CHD7: variants seen among roughly 807,000 people sequenced by gnomAD.
The protein encoded by CHD7 is chromodomain helicase DNA binding protein 7.
A neutral mutation model predicts 307.3 loss-of-function variants in CHD7; 24 were observed. The observed-to-expected ratio is 0.08, with a 90% CI of 0.06 to 0.11. The LOEUF is 0.11. Ranked by LOEUF, CHD7 falls within the 10% of genes least tolerant of loss-of-function variation. The pLI, the probability that CHD7 is intolerant of heterozygous loss-of-function variation, is 1.00. For missense variants in CHD7, 3,106 were observed against 3,727.1 expected, an observed-to-expected ratio of 0.83 and a Z score of 4.34; for synonymous variants, 1,363 against 1,349.9, an observed-to-expected ratio of 1.01 and a Z score of -0.21.
At chr8:60,853,665 G>T (rs1454531125) in intron 31 of CHD7, among the ~76,000 whole-genome samples, 165 bp downstream of exon 31, 1 of 152,110 alleles carries the variant, frequency 6.6e-6, no homozygotes. Flanking sequence ...TTTTGCTCTC[G>T]CACCTTATAG....
At chr8:60,732,887 G>A (rs937943086) in intron 1 of CHD7, among the ~76,000 whole-genome samples, 1 of 151,984 alleles carries the variant, frequency 6.6e-6, no homozygotes, top group African/African-American at 2.4e-5. Flanking sequence ...TTCTAGACCT[G>A]TCTCTTCATT....
chr8:60,732,109 C>T (rs1808483509), intron 1 of CHD7, among the ~76,000 whole-genome samples: 1 of 152,108 alleles, frequency 6.6e-6, no homozygotes, highest in African/African-American at 2.4e-5. Context: ...GTTTTTTTCC[C>T]TTTAAGGAAA....
At position 60,856,179 on chromosome 8, in the gene CHD7, A is replaced by G. The variant is rs1348628395; in HGVS notation, c.7141A>G (p.Thr2381Ala). 2.5e-6 allele frequency: 4 copies of G among 1,596,824 alleles called. No homozygotes were observed. The East Asian group carries it at 6.8e-5, about 27-fold the overall frequency. ...QASISGSEDITTSPQLSKEDA... is the reference protein window; with the variant it reads ...QASISGSEDIATSPQLSKEDA... ...CAGCATTAGTGGGAGTGAGGACATC[A>G]CTACGTCTCCTCAGTTGTCAAAGGT... The change falls in exon 33 of 38, where the codon ACT becomes GCT. Residue 2381 changes from threonine (T) to alanine (A), a missense_variant. Physicochemically the swap from Thr to Ala is moderately conservative, Grantham distance 58 (BLOSUM62 0). Coordinates refer to ENST00000423902, the MANE Select transcript of CHD7 (RefSeq NM_017780.4).
intron 29 of CHD7, 123 bp downstream of exon 29, chr8:60,852,370 C>A: frequency 7.8e-7 from 1 of 1,284,472 alleles, no homozygotes; most frequent in Non-Finnish European, 1.1e-6. Context: ...CTCGCTCCAA[C>A]AAAGCAGTCT....
intron 2 of CHD7, among the ~76,000 whole-genome samples, chr8:60,749,485 C>T (rs767870761): frequency 2.0e-5 from 3 of 150,350 alleles, no homozygotes; most frequent in Non-Finnish European, 4.4e-5. Context: ...ATTACGTATG[C>T]AGGTTGTAAT....
chr8:60,697,696 T>G (rs1806553027), intron 1 of CHD7, among the ~76,000 whole-genome samples: 1 of 152,172 alleles, frequency 6.6e-6, no homozygotes, highest in South Asian at 2.1e-4. Context: ...CACAAAAACC[T>G]CAGTTTGCAG....
intron 2 of CHD7, among the ~76,000 whole-genome samples, chr8:60,779,512 C>T (rs1317746928): frequency 1.3e-5 from 2 of 152,186 alleles, no homozygotes; most frequent in African/African-American, 4.8e-5. Flanking sequence ...GGTAAATTAT[C>T]ACTTTTTTGT....
intron 2 of CHD7, among the ~76,000 whole-genome samples, chr8:60,753,134 G>C (rs1809718847): frequency 6.6e-6 from 1 of 152,242 alleles, no homozygotes; most frequent in South Asian, 2.1e-4. Context: ...AGATAAGTCA[G>C]AGTTTTTTAG....
At chr8:60,779,911 G>C (rs1811126291) in intron 2 of CHD7, among the ~76,000 whole-genome samples, 1 of 152,160 alleles carries the variant, frequency 6.6e-6, no homozygotes, top group Non-Finnish European at 1.5e-5. Context: ...GCTTAGGGCT[G>C]GTGTGAGGAT....
intron 2 of CHD7, among the ~76,000 whole-genome samples, chr8:60,778,651 G>A (rs1402510310): frequency 6.6e-6 from 1 of 152,134 alleles, no homozygotes. Flanking sequence ...TCATTGTTTA[G>A]ACTTTCCTCT....
In CHD7 at chr8:60,733,654, C is replaced by T. The variant is rs1168673094; in HGVS notation, c.-174-7605C>T. Reference sequence around the variant, plus strand: ...TATGGGGTAATATACTCCTTTTGACCACTTTGGAAAAAGCTAGTGCTGTGG... The same window carrying T: ...TATGGGGTAATATACTCCTTTTGACTACTTTGGAAAAAGCTAGTGCTGTGG... On this transcript the variant is annotated intron_variant, in intron 1 of 37. Transcript: ENST00000423902. 2.6e-5 allele frequency among the ~76,000 whole-genome samples: 4 copies of T among 152,280 alleles called. No homozygotes were observed. In the East Asian group the frequency reaches 7.7e-4, roughly 29 times the overall value.
intron 13 of CHD7, chr8:60,824,505 A>G (rs1490488069): frequency 6.3e-6 from 1 of 158,964 alleles, no homozygotes. Flanking sequence ...TGGATAAGGG[A>G]TACTTAACCT....
At chr8:60,782,890 T>C (rs1811322661) in intron 3 of CHD7, among the ~76,000 whole-genome samples, 1 of 152,214 alleles carries the variant, frequency 6.6e-6, no homozygotes, top group Non-Finnish European at 1.5e-5. Flanking sequence ...TCTAAGTATA[T>C]GCTTTTGGTA....
At chr8:60,766,741 G>T (rs772782696) in intron 2 of CHD7, among the ~76,000 whole-genome samples, 5 of 152,216 alleles carry the variant, frequency 3.3e-5, no homozygotes, top group Non-Finnish European at 2.9e-5. Flanking sequence ...AGTTTGTGGA[G>T]AAATCAAGAA....
intron 15 of CHD7, among the ~76,000 whole-genome samples, chr8:60,834,112 AT>A (rs918180584): frequency 2.5e-4 from 38 of 152,244 alleles, no homozygotes; most frequent in Admixed American, 6.5e-4. Context: ...GGCAAAAATT[AT>A]TTTTTTAATC....
intron 3 of CHD7, among the ~76,000 whole-genome samples, chr8:60,789,472 A>G (rs1205133023): frequency 6.6e-6 from 1 of 152,216 alleles, no homozygotes; most frequent in African/African-American, 2.4e-5. Context: ...AACTTCACTA[A>G]CTTATCCCAT....
At chr8:60,721,472 A>G (rs1807903612) in intron 1 of CHD7, among the ~76,000 whole-genome samples, 1 of 152,242 alleles carries the variant, frequency 6.6e-6, no homozygotes, top group African/African-American at 2.4e-5. Context: ...TAAGCCACCC[A>G]GGCTGTAGAG....
At chr8:60,768,762 T>A (rs1263896149) in intron 2 of CHD7, among the ~76,000 whole-genome samples, 1 of 152,118 alleles carries the variant, frequency 6.6e-6, no homozygotes, top group Non-Finnish European at 1.5e-5. Flanking sequence ...GGACTAGATA[T>A]CAGACGACTA....
intron 1 of CHD7, among the ~76,000 whole-genome samples, chr8:60,687,825 T>C (rs1404298941): frequency 1.3e-5 from 2 of 152,188 alleles, no homozygotes; most frequent in Non-Finnish European, 2.9e-5. Flanking sequence ...GCCATACATT[T>C]CTAGCACGTG....
Sources: gnomAD v4.1 joint callset for allele counts (sites outside exome capture counted in the v4.1 genomes callset) on GRCh38, gnomAD v4.1.1 for gene constraint, MANE v1.5 for transcripts, NCBI Gene and HGNC (gene_info 2026-07-23, HGNC 2026-07-21) for gene names.